Variants in CWF19L2 observed in about 807,000 individuals in gnomAD.
The protein encoded by CWF19L2 is CWF19 like cell cycle control factor 2.
CWF19L2 carries 98 observed loss-of-function variants against 111.7 expected under a neutral mutation model. That is an observed-to-expected ratio of 0.88 (90% confidence interval 0.75 to 1.04). The LOEUF is 1.04. Ranked by LOEUF, CWF19L2 falls within the 50% of genes least tolerant of loss-of-function variation. CWF19L2 has a pLI of 0.00. For missense variants in CWF19L2, 1,101 were observed against 1,051.4 expected (o/e 1.05, Z -0.65); for synonymous variants, 351 against 342.9 (o/e 1.02, Z -0.26).
Position 107,441,560 on chromosome 11 carries a change from T to G in CWF19L2, c.513A>C (p.Lys171Asn). Residue 171 changes from lysine to asparagine, a missense_variant, in exon 5 of 18, where the codon AAA becomes AAC. Physicochemically the swap from Lys to Asn is moderately conservative, Grantham distance 94. Transcript: ENST00000282251. The stretch of plus-strand genomic sequence containing the variant: ...TTTTCCTCATAGTTTCCTTTTCAGC[T>G]TTGAGTGATGATGATGACACAGTTT... Reference protein sequence around the residue: ...SVKTVSSSSLKAEKETMRKIE... With the variant: ...SVKTVSSSSLNAEKETMRKIE... 1 of 1,553,248 alleles carries G rather than the reference T, an allele frequency of 6.4e-7. No homozygotes were observed. The highest frequency in any genetic ancestry group is 1.2e-5 in the South Asian group (1 of 83,556).
Position 107,401,343 on chromosome 11 carries a change from G to A in CWF19L2, c.1618-8448C>T, listed in dbSNP as rs534629827. ...TAAGGACTCCTCCAGAAAGCTTCTA[G>A]AACTGATAAAAGAATGCAGCAAAGT... is the stretch of plus-strand genomic sequence containing the variant. On this transcript the variant is annotated intron_variant, in intron 10 of 17. Coordinates refer to ENST00000282251, the MANE Select transcript of CWF19L2 (RefSeq NM_152434.3). Among the ~76,000 whole-genome samples the A allele has an allele frequency of 6.6e-5, 10 of 152,268 alleles. No individual in the cohort carries two copies. In the South Asian group the frequency reaches 1.4e-3, roughly 22 times the overall value.
chr11:107,368,515 A>G (rs745779615), intron 12 of CWF19L2, among the ~76,000 whole-genome samples: 1 of 138,044 alleles, frequency 7.2e-6, no homozygotes, highest in East Asian at 2.1e-4. Context: ...TAACTACTAA[A>G]CTTCATGAAT....
chr11:107,407,872 T>A (rs117322030), intron 10 of CWF19L2, among the ~76,000 whole-genome samples: 1 of 152,026 alleles, frequency 6.6e-6, no homozygotes, highest in Non-Finnish European at 1.5e-5. Flanking sequence ...CCAGAAAGCA[T>A]TGAGAATTAA....
chr11:107,416,474 A>G (rs533469228), intron 9 of CWF19L2, among the ~76,000 whole-genome samples, 176 bp from the exon 10 acceptor site: 1 of 152,336 alleles, frequency 6.6e-6, no homozygotes, highest in South Asian at 2.1e-4. Context: ...AACTTATCTC[A>G]GTTACAAACT....
At chr11:107,391,737 C>T (rs1860850355) in intron 11 of CWF19L2, among the ~76,000 whole-genome samples, 1 of 152,150 alleles carries the variant, frequency 6.6e-6, no homozygotes, top group Non-Finnish European at 1.5e-5. Context: ...ATCTTTGGAA[C>T]AGGGGTGCAA....
chr11:107,396,573 G>T (rs968410000), intron 10 of CWF19L2, among the ~76,000 whole-genome samples: 4 of 152,142 alleles, frequency 2.6e-5, no homozygotes, highest in Admixed American at 6.5e-5. Flanking sequence ...TTCCCTGTTG[G>T]TATCTATAGT....
intron 16 of CWF19L2, among the ~76,000 whole-genome samples, chr11:107,334,262 CCATTT>C (rs1859889910): frequency 1.3e-5 from 2 of 152,246 alleles, no homozygotes; most frequent in African/African-American, 4.8e-5. Context: ...CTATTCCATT[CCATTT>C]AATTTGTATT....
chr11:107,438,619 C>T (rs921677324), intron 6 of CWF19L2, among the ~76,000 whole-genome samples: 1 of 152,108 alleles, frequency 6.6e-6, no homozygotes, highest in African/African-American at 2.4e-5. Flanking sequence ...ATTTAATTAA[C>T]CTGCTCCAAA....
chr11:107,332,494 C>A, intron 16 of CWF19L2, among the ~76,000 whole-genome samples: 1 of 150,764 alleles, frequency 6.6e-6, no homozygotes. Flanking sequence ...TTGTAAAAAT[C>A]AGAATGGATT....
chr11:107,433,954 C>T (rs1861504985), intron 6 of CWF19L2, among the ~76,000 whole-genome samples: 1 of 130,058 alleles, frequency 7.7e-6, no homozygotes, highest in African/African-American at 2.9e-5. Flanking sequence ...CAGAGTTTTG[C>T]CACTAGAAAG....
intron 12 of CWF19L2, among the ~76,000 whole-genome samples, chr11:107,385,001 A>G (rs1860744332): frequency 6.6e-6 from 1 of 152,212 alleles, no homozygotes; most frequent in Non-Finnish European, 1.5e-5. Flanking sequence ...CAAAAATTCA[A>G]TAACTTAGCT....
At chr11:107,371,435 C>G (rs1860508957) in intron 12 of CWF19L2, among the ~76,000 whole-genome samples, 1 of 137,556 alleles carries the variant, frequency 7.3e-6, no homozygotes, top group Non-Finnish European at 1.6e-5. Flanking sequence ...AGACTATTCT[C>G]CCATATGACA....
chr11:107,389,718 C>G (rs1035312852), intron 12 of CWF19L2, among the ~76,000 whole-genome samples: 9 of 152,094 alleles, frequency 5.9e-5, no homozygotes, highest in African/African-American at 1.9e-4. Context: ...TTATGAAGAA[C>G]TGGAGGAACG....
chr11:107,383,303 T>C (rs1052843078), intron 12 of CWF19L2, among the ~76,000 whole-genome samples: 1 of 152,104 alleles, frequency 6.6e-6, no homozygotes, highest in African/African-American at 2.4e-5. Flanking sequence ...AATCAGACAC[T>C]ATCTCCAGGT....
chr11:107,389,718 C>CT (rs1168950209), intron 12 of CWF19L2, among the ~76,000 whole-genome samples: 3 of 152,094 alleles, frequency 2.0e-5, no homozygotes, highest in Non-Finnish European at 4.4e-5. Context: ...TTATGAAGAA[C>CT]TGGAGGAACG....
chr11:107,400,384 T>A (rs1402670586), intron 10 of CWF19L2, among the ~76,000 whole-genome samples: 2 of 151,954 alleles, frequency 1.3e-5, no homozygotes, highest in South Asian at 2.1e-4. Context: ...AAAAGAGATA[T>A]TACAATTAAC....
rs1394184642 is a variant in CWF19L2, at chr11:107,326,990, A to G, written c.2605T>C (p.Phe869Leu). ...AGTGCTTTTTTCCTCTGATCCTCAA[A>G]GCTTTCTCGGATGCCTTTCCTCCAA... is the stretch of plus-strand genomic sequence containing the variant. The part of the protein sequence containing the change: ...RLWRKGIRES[F>L]EDQRKKALQF... Residue 869 changes from phenylalanine (F) to leucine (L), a missense_variant, in exon 18 of 18, where the codon TTT becomes CTT. Phe to Leu is a conservative substitution (Grantham distance 22). Coordinates refer to ENST00000282251, the MANE Select transcript of CWF19L2 (RefSeq NM_152434.3). 6.2e-7 allele frequency: 1 copy of G among 1,612,188 alleles called. No individual in the cohort carries two copies. The highest frequency in any genetic ancestry group is 8.5e-7 in the Non-Finnish European group (1 of 1,178,952).
intron 12 of CWF19L2, among the ~76,000 whole-genome samples, chr11:107,372,855 A>C (rs916275395): frequency 3.1e-5 from 4 of 129,842 alleles, no homozygotes; most frequent in African/African-American, 1.3e-4. Flanking sequence ...TTTCCATCTG[A>C]GGTACCGGGT....
rs1384113077 is a variant in CWF19L2 at position 107,371,688 on chromosome 11, CAT to C, written c.1873-17954_1873-17953del. Among the ~76,000 whole-genome samples the C allele has an allele frequency of 8.4e-4, 116 of 137,546 alleles. 26 individuals carry two copies. Among genetic ancestry groups the C allele is most frequent in the Middle Eastern group, 3.7e-3 (1 of 270 alleles). 90.2% of individuals were successfully genotyped at this position (137,546 alleles called of 152,430 possible). A position where few individuals can be genotyped will look rare whatever the true frequency, so the allele number is the denominator to read the frequency against. On this transcript the variant is annotated intron_variant, in intron 12 of 17. Coordinates refer to ENST00000282251, the MANE Select transcript of CWF19L2 (RefSeq NM_152434.3). Reference sequence around the variant, plus strand: ...GATTCTGTGCACTACAAATTAATCACATGTTCCAGGAAACCTGCCCCAGGATC... The same window carrying C: ...GATTCTGTGCACTACAAATTAATCACGTTCCAGGAAACCTGCCCCAGGATC...
Sources: gnomAD v4.1 joint callset for allele counts (sites outside exome capture counted in the v4.1 genomes callset) on GRCh38, gnomAD v4.1.1 for gene constraint, MANE v1.5 for transcripts, NCBI Gene and HGNC (gene_info 2026-07-23, HGNC 2026-07-21) for gene names.